Variants in ERC2 observed in about 807,000 individuals in gnomAD.
ERC2 encodes ELKS/RAB6-interacting/CAST family member 2, also known as ERC protein 2.
ERC2 carries 42 observed loss-of-function variants against 114.8 expected under a neutral mutation model. The observed-to-expected ratio is 0.37, with a 90% CI of 0.29 to 0.47. The LOEUF (loss-of-function observed/expected upper bound fraction) is 0.47, where lower values mean the gene tolerates loss of function less well. Among genes scored for constraint, ERC2 ranks in the 20% least tolerant of loss-of-function variants. The probability of loss-of-function intolerance (pLI) is 0.99; values close to 1 mark genes in which losing one functional copy is unlikely to be tolerated. For synonymous variants in ERC2, 454 were observed against 425.5 expected (o/e 1.07, Z -0.82); for missense variants, 939 against 1,150.7 (o/e 0.82, Z 2.66).
intron 17 of ERC2, among the ~76,000 whole-genome samples, chr3:55,554,937 G>A (rs1270045075): frequency 1.3e-5 from 2 of 152,046 alleles, no homozygotes; most frequent in Admixed American, 1.3e-4. Context: ...GGGGGCCTTG[G>A]GCTGCCTGTG....
At chr3:56,275,284 G>A (rs184664160) in intron 3 of ERC2, among the ~76,000 whole-genome samples, 1 of 152,270 alleles carries the variant, frequency 6.6e-6, no homozygotes, top group African/African-American at 2.4e-5. Flanking sequence ...CTCACCCTCT[G>A]ATATCATCAC....
At chr3:56,401,717 T>C (rs777046716) in intron 2 of ERC2, among the ~76,000 whole-genome samples, 3 of 152,082 alleles carry the variant, frequency 2.0e-5, no homozygotes, top group Non-Finnish European at 2.9e-5. Flanking sequence ...CCCAGGAGGG[T>C]TCTTGCCTTC....
rs563058108 is a variant in ERC2, at chr3:55,882,515, C to T, written c.2564+5874G>A. On this transcript the variant is annotated intron_variant, in intron 14 of 17. Transcript: ENST00000288221. ...CCACATTTGTGGATTCAATCAACCA[C>T]GGATCAGAAATATTTTTGGAAAAAA... 4.6e-5 allele frequency among the ~76,000 whole-genome samples: 7 copies of T among 152,232 alleles called. No individual in the cohort carries two copies. The South Asian group carries it at 1.2e-3, about 27-fold the overall frequency.
intron 17 of ERC2, among the ~76,000 whole-genome samples, chr3:55,537,952 C>T (rs1389129762): frequency 6.6e-6 from 1 of 152,160 alleles, no homozygotes; most frequent in Admixed American, 6.5e-5. Flanking sequence ...GACGAGCCCA[C>T]CACCCTCCAA....
chr3:55,758,587 C>G (rs2067208755), intron 14 of ERC2, among the ~76,000 whole-genome samples: 1 of 152,208 alleles, frequency 6.6e-6, no homozygotes, highest in African/African-American at 2.4e-5. Flanking sequence ...TGACAACTTT[C>G]TAACTTAGAT....
intron 3 of ERC2, among the ~76,000 whole-genome samples, chr3:56,260,927 T>TG (rs974905859): frequency 6.6e-6 from 1 of 152,240 alleles, no homozygotes; most frequent in Admixed American, 6.5e-5. Context: ...TGTGTCCTAA[T>TG]GAAAACCTCT....
intron 17 of ERC2, among the ~76,000 whole-genome samples, chr3:55,668,797 T>G (rs1018927232): frequency 1.3e-5 from 2 of 152,320 alleles, no homozygotes; most frequent in African/African-American, 4.8e-5. Flanking sequence ...ATTCTTCTTA[T>G]GACCAGAACC....
chr3:55,733,515 C>T (rs1289148131), intron 15 of ERC2, among the ~76,000 whole-genome samples: 1 of 105,426 alleles, frequency 9.5e-6, no homozygotes. Flanking sequence ...CTCTCATTCT[C>T]TCTGTCTCTC....
intron 2 of ERC2, chr3:56,433,809 G>A (rs2061898243): frequency 6.4e-6 from 1 of 156,590 alleles, no homozygotes; most frequent in Non-Finnish European, 1.4e-5. Context: ...AATTTATTGT[G>A]TATCTCTAAC....
At chr3:55,536,440 C>T (rs922062979) in intron 17 of ERC2, among the ~76,000 whole-genome samples, 1 of 152,220 alleles carries the variant, frequency 6.6e-6, no homozygotes, top group African/African-American at 2.4e-5. Flanking sequence ...ATCCTGCCTA[C>T]TCGGTCTGCC....
At chr3:55,962,885 C>T (rs1415333994) in intron 12 of ERC2, among the ~76,000 whole-genome samples, 3 of 152,338 alleles carry the variant, frequency 2.0e-5, no homozygotes, top group East Asian at 1.9e-4. Context: ...CCCTACAAAG[C>T]TCTATGGAGC....
At chr3:56,323,875 G>A (rs1224277342) in intron 2 of ERC2, among the ~76,000 whole-genome samples, 1 of 152,112 alleles carries the variant, frequency 6.6e-6, no homozygotes, top group Non-Finnish European at 1.5e-5. Flanking sequence ...CCTCCACTGT[G>A]AAGCACTCGC....
intron 2 of ERC2, among the ~76,000 whole-genome samples, chr3:56,406,851 T>G (rs1292713967): frequency 6.6e-6 from 1 of 152,222 alleles, no homozygotes; most frequent in African/African-American, 2.4e-5. Context: ...AGTCAGAAAG[T>G]TGCAGAGGAG....
chr3:55,961,725 T>C (rs2149468421), intron 12 of ERC2, among the ~76,000 whole-genome samples: 1 of 152,248 alleles, frequency 6.6e-6, no homozygotes, highest in Admixed American at 6.5e-5. Flanking sequence ...TTTAGGAATG[T>C]GCATCCAGGG....
At chr3:55,812,225 C>T (rs7628151) in intron 14 of ERC2, among the ~76,000 whole-genome samples, 3,388 of 152,290 alleles carry the variant, frequency 0.022, 140 homozygotes, top group African/African-American at 0.077. Flanking sequence ...TACTTCAAGA[C>T]CTTCAGCAGC....
chr3:56,408,834 G>A (rs2060827463), intron 2 of ERC2, among the ~76,000 whole-genome samples: 1 of 152,180 alleles, frequency 6.6e-6, no homozygotes, highest in Non-Finnish European at 1.5e-5. Flanking sequence ...CTGTCCCCCA[G>A]GAGCAGCAGC....
chr3:56,090,610 G>C (rs528765195), intron 6 of ERC2, among the ~76,000 whole-genome samples: 2 of 150,970 alleles, frequency 1.3e-5, no homozygotes, highest in Admixed American at 6.6e-5. Context: ...TAAAAGCCTT[G>C]TAATACTAAA....
chr3:56,123,412 T>G (rs2079695616), intron 6 of ERC2, among the ~76,000 whole-genome samples: 1 of 152,030 alleles, frequency 6.6e-6, no homozygotes, highest in South Asian at 2.1e-4. Flanking sequence ...GCTAGGACCT[T>G]GATCTTGGAC....
In ERC2 at chr3:56,434,541, T is replaced by A; in HGVS notation, c.467A>T (p.Glu156Val). 6.2e-7 allele frequency: 1 copy of A among 1,614,032 alleles called. No homozygotes were observed. Among genetic ancestry groups the A allele is most frequent in the South Asian group, 1.1e-5 (1 of 91,088 alleles). Residue 156 changes from glutamate to valine, a missense_variant, in exon 2 of 18, where the codon GAA becomes GTA. Glu to Val is a moderately radical substitution (Grantham distance 121, BLOSUM62 -2). Around this residue, in one of 5 missense-constraint regions of ERC2, gnomAD observed 281 missense variants for 307.4 expected, o/e 0.91. Coordinates refer to ENST00000288221, the MANE Select transcript of ERC2 (RefSeq NM_015576.3). ...GAGGAGGTCATTCTCTCTCTGCAGT[T>A]CTTTCAGCTGGGCCTGAAGATCTAA... The part of the protein sequence containing the change: ...TMLDLQAQLK[E>V]LQRENDLLRK...
Sources: gnomAD v4.1 joint callset for allele counts (sites outside exome capture counted in the v4.1 genomes callset) on GRCh38, gnomAD v4.1.1 for gene constraint, gnomAD v4.1.1 regional missense constraint, MANE v1.5 for transcripts, NCBI Gene and HGNC (gene_info 2026-07-23, HGNC 2026-07-21) for gene names.